The following RASA1 variants were observed in gnomAD, a reference collection of about 807,000 sequenced individuals.
The protein encoded by RASA1 is RAS p21 protein activator 1.
Under a neutral mutation model 132.2 loss-of-function variants are expected in RASA1, and 25 were observed. The ratio of observed to expected loss-of-function variants is 0.19; its 90% CI spans 0.14 to 0.26. RASA1 has a LOEUF of 0.26. Ranked by LOEUF, RASA1 falls within the 10% of genes least tolerant of loss-of-function variation. The pLI, the probability that RASA1 is intolerant of heterozygous loss-of-function variation, is 1.00. For synonymous variants in RASA1, 477 were observed against 449.9 expected (o/e 1.06, Z -0.76); for missense variants, 964 against 1,299.2 (o/e 0.74, Z 3.97).
chr5:87,383,838 T>A, intron 21 of RASA1, 58 bp downstream of exon 21: 1 of 1,360,716 alleles, frequency 7.3e-7, no homozygotes, highest in East Asian at 2.3e-5. Context: ...AGTTTCATAC[T>A]ATTTAAGAAT....
At chr5:87,342,750 T>G (rs991573798) in intron 6 of RASA1, among the ~76,000 whole-genome samples, 1 of 152,154 alleles carries the variant, frequency 6.6e-6, no homozygotes, top group Non-Finnish European at 1.5e-5. Context: ...TCACTTTGTC[T>G]AGTTGTCTAG....
chr5:87,311,365 A>G (rs541725467), intron 1 of RASA1, among the ~76,000 whole-genome samples: 35 of 152,324 alleles, frequency 2.3e-4, no homozygotes, highest in Non-Finnish European at 5.9e-5. Context: ...GGGTTTCCCA[A>G]ATACTTAATG....
rs373744135 is a variant in RASA1 at position 87,370,653 on chromosome 5, C to CT, written c.1698+754dup. Among the ~76,000 whole-genome samples the CT allele has an allele frequency of 6.3e-3, 965 of 152,238 alleles. 5 individuals are homozygous for CT. Among genetic ancestry groups the CT allele is most frequent in the African/African-American group, 0.014 (580 of 41,556 alleles). The stretch of plus-strand genomic sequence containing the variant: ...CCAGCCTAGGCAACAAACTGAGACA[C>CT]TGTCTCTTAAAAAATTTTTTTGCTT... On this transcript the variant is annotated intron_variant, in intron 12 of 24. Coordinates refer to ENST00000274376, the MANE Select transcript of RASA1 (RefSeq NM_002890.3).
intron 17 of RASA1, 70 bp downstream of exon 17, chr5:87,377,110 C>G: frequency 6.6e-7 from 1 of 1,506,304 alleles, no homozygotes; most frequent in Non-Finnish European, 9.2e-7. Context: ...TATATGGACT[C>G]TATCTCTGAA....
chr5:87,318,305 T>TA (rs1358073178), intron 1 of RASA1: 3 of 152,084 alleles, frequency 2.0e-5, no homozygotes, highest in Non-Finnish European at 4.4e-5. Flanking sequence ...GGGGAACATG[T>TA]AAAAAAGTAC....
intron 5 of RASA1, among the ~76,000 whole-genome samples, chr5:87,338,921 T>A (rs1363042958): frequency 1.3e-5 from 2 of 152,154 alleles, no homozygotes; most frequent in Non-Finnish European, 2.9e-5. Context: ...GTTATCATGG[T>A]ATCAATTACC....
In RASA1 at chr5:87,363,524, T is replaced by C. The variant is rs1392096796; in HGVS notation, c.1610+20T>C. 1 of 1,605,522 alleles carries C rather than the reference T, an allele frequency of 6.2e-7. No individual in the cohort carries two copies. Among genetic ancestry groups the C allele is most frequent in the African/African-American group, 1.3e-5 (1 of 74,688 alleles). ...TGGCAGGTAAGAGACTGGTTTCCTA[T>C]TTTTCTTTCGGAATTGTCTTAATAA... On this transcript the variant is annotated intron_variant, in intron 11 of 24. Coordinates refer to ENST00000274376, the MANE Select transcript of RASA1 (RefSeq NM_002890.3).
chr5:87,276,534 T>C (rs182863741), intron 1 of RASA1, among the ~76,000 whole-genome samples: 3 of 152,250 alleles, frequency 2.0e-5, no homozygotes, highest in Admixed American at 2.0e-4. Flanking sequence ...AAAAGAAATA[T>C]ACAATTCTAC....
chr5:87,350,190 A>G (rs571114533), intron 8 of RASA1, among the ~76,000 whole-genome samples: 8 of 151,966 alleles, frequency 5.3e-5, no homozygotes, highest in African/African-American at 9.6e-5. Context: ...AAGTTCTTCT[A>G]GTTGCTTGCT....
chr5:87,326,332 G>T (rs1317446620), intron 1 of RASA1, among the ~76,000 whole-genome samples: 1 of 152,010 alleles, frequency 6.6e-6, no homozygotes, highest in East Asian at 1.9e-4. Context: ...TGATTTCTGT[G>T]ACTTTTTTTA....
rs1754673359 is a variant in RASA1, at chr5:87,287,452, TATACCATATATATAC to T, written c.539+18464_539+18478del. Among the ~76,000 whole-genome samples, 3 of 146,174 alleles carry T rather than the reference TATACCATATATATAC, an allele frequency of 2.1e-5. No homozygotes were observed. In the South Asian group the frequency reaches 6.4e-4, roughly 31 times the overall value. On this transcript the variant is annotated intron_variant, in intron 1 of 24. Coordinates refer to ENST00000274376, the MANE Select transcript of RASA1 (RefSeq NM_002890.3). ...ACACACCATATATATACACCATATA[TATACCATATATATAC>T]ACACCATATATATACACACCATATA...
chr5:87,328,322 A>AT (rs11391785), intron 1 of RASA1, among the ~76,000 whole-genome samples: 151,167 of 151,642 alleles, frequency 1, 75,351 homozygotes, highest in Middle Eastern at 1. Context: ...TTCCAGTTGA[A>AT]TTTTTTTTTA....
At chr5:87,292,342 A>C (rs1241949168) in intron 1 of RASA1, among the ~76,000 whole-genome samples, 1 of 148,906 alleles carries the variant, frequency 6.7e-6, no homozygotes, top group African/African-American at 2.5e-5. Context: ...AATTTTGTGA[A>C]GGCTGTAAGG....
chr5:87,303,598 G>A (rs563002885), intron 1 of RASA1, among the ~76,000 whole-genome samples: 2 of 151,996 alleles, frequency 1.3e-5, no homozygotes, highest in Non-Finnish European at 2.9e-5. Flanking sequence ...TTTTCTAGGG[G>A]TTAGTAATTT....
chr5:87,382,641 T>G (rs1761799557), intron 20 of RASA1, among the ~76,000 whole-genome samples: 1 of 152,190 alleles, frequency 6.6e-6, no homozygotes, highest in Non-Finnish European at 1.5e-5. Flanking sequence ...AATAGGAGTA[T>G]CTATGCAAGC....
intron 23 of RASA1, among the ~76,000 whole-genome samples, chr5:87,387,842 A>G (rs1762171083): frequency 6.6e-6 from 1 of 152,216 alleles, no homozygotes; most frequent in Non-Finnish European, 1.5e-5. Context: ...ATGCTTCTAT[A>G]TGTGAACTGG....
At chr5:87,297,164 T>C (rs1755158117) in intron 1 of RASA1, among the ~76,000 whole-genome samples, 1 of 152,230 alleles carries the variant, frequency 6.6e-6, no homozygotes, top group South Asian at 2.1e-4. Flanking sequence ...TGTCTATGTA[T>C]TTGCATATTG....
At chr5:87,353,690 A>G (rs1759445863) in intron 9 of RASA1, among the ~76,000 whole-genome samples, 1 of 152,166 alleles carries the variant, frequency 6.6e-6, no homozygotes, top group Non-Finnish European at 1.5e-5. Flanking sequence ...ACTCTGAGTG[A>G]AAACTGTATA....
rs528900703 is a variant in RASA1, at chr5:87,370,899, G to C, written c.1698+999G>C. On this transcript the variant is annotated intron_variant, in intron 12 of 24. Coordinates refer to ENST00000274376, the MANE Select transcript of RASA1 (RefSeq NM_002890.3). The stretch of plus-strand genomic sequence containing the variant: ...AACCTGAATGAGCTTACAACTGAAC[G>C]TCATATTTCACATCTTTATCAAATA... 2.0e-5 allele frequency among the ~76,000 whole-genome samples: 3 copies of C among 152,118 alleles called. No individual in the cohort carries two copies. The East Asian group carries it at 5.8e-4, about 29-fold the overall frequency.
Sources: gnomAD v4.1 joint callset for allele counts (sites outside exome capture counted in the v4.1 genomes callset) on GRCh38, gnomAD v4.1.1 for gene constraint, MANE v1.5 for transcripts, NCBI Gene and HGNC (gene_info 2026-07-23, HGNC 2026-07-21) for gene names.